The following SNTG2 variants were observed in gnomAD, a reference collection of about 807,000 sequenced individuals.
SNTG2 encodes the protein gamma-2-syntrophin.
In SNTG2, 74 loss-of-function variants were observed where a neutral mutation model predicts 70.9. The ratio of observed to expected loss-of-function variants is 1.04; its 90% CI spans 0.86 to 1.27. The LOEUF is 1.27. Among genes scored for constraint, SNTG2 ranks in the 50% most tolerant of loss-of-function variants. The pLI, the probability that SNTG2 is intolerant of heterozygous loss-of-function variation, is 0.00. For synonymous variants in SNTG2, 278 were observed against 273.8 expected (o/e 1.02, Z -0.15); for missense variants, 717 against 690.7 (o/e 1.04, Z -0.43).
At chr2:1,115,343 A>G (rs1349046025) in intron 4 of SNTG2, among the ~76,000 whole-genome samples, 3 of 151,752 alleles carry the variant, frequency 2.0e-5, no homozygotes, top group Non-Finnish European at 4.4e-5. Context: ...GATCATGTGT[A>G]GTAAGTGAGG....
chr2:1,278,102 C>T (rs951624853), intron 14 of SNTG2, among the ~76,000 whole-genome samples: 25 of 152,354 alleles, frequency 1.6e-4, no homozygotes, highest in Admixed American at 3.9e-4. Flanking sequence ...ACATCTCTTT[C>T]GGTTCCAAGC....
In SNTG2 at chr2:1,173,286, G is replaced by T; in HGVS notation, c.591+103G>T. Reference sequence around the variant, plus strand: ...AAAAGATGCTGTACTGCCCAGTGAAGATAATTGTGTTAGTTTCAGAGGAAA... The same window carrying T: ...AAAAGATGCTGTACTGCCCAGTGAATATAATTGTGTTAGTTTCAGAGGAAA... On this transcript the variant is annotated intron_variant, in intron 8 of 16. Coordinates refer to ENST00000308624, the MANE Select transcript of SNTG2 (RefSeq NM_018968.4). 2.8e-6 allele frequency: 3 copies of T among 1,068,494 alleles called. No homozygotes were observed. In the South Asian group the frequency reaches 4.5e-5, roughly 16 times the overall value. 66.2% of individuals were successfully genotyped at this position (1,068,494 alleles called of 1,614,324 possible). A position where few individuals can be genotyped will look rare whatever the true frequency, so the allele number is the denominator to read the frequency against.
chr2:1,034,081 C>T (rs1292898045), intron 1 of SNTG2, among the ~76,000 whole-genome samples: 1 of 151,682 alleles, frequency 6.6e-6, no homozygotes, highest in Non-Finnish European at 1.5e-5. Flanking sequence ...TTTTGTCACC[C>T]AGGTATTAAA....
chr2:1,144,608 C>T (rs1422578978), intron 6 of SNTG2, among the ~76,000 whole-genome samples: 1 of 152,144 alleles, frequency 6.6e-6, no homozygotes, highest in African/African-American at 2.4e-5. Flanking sequence ...GGGGAGGCCT[C>T]AGAATCATGG....
intron 14 of SNTG2, among the ~76,000 whole-genome samples, chr2:1,305,560 G>A (rs1292658644): frequency 6.6e-6 from 1 of 152,212 alleles, no homozygotes; most frequent in Non-Finnish European, 1.5e-5. Context: ...TCACTAGGTT[G>A]AAAGAATTGT....
chr2:1,149,050 C>T (rs1341585138), intron 6 of SNTG2, among the ~76,000 whole-genome samples: 1 of 152,186 alleles, frequency 6.6e-6, no homozygotes, highest in Non-Finnish European at 1.5e-5. Flanking sequence ...AAATTATTCC[C>T]TGGAAGGTAT....
intron 1 of SNTG2, among the ~76,000 whole-genome samples, chr2:1,050,809 C>G (rs1006976632): frequency 3.9e-5 from 6 of 152,106 alleles, no homozygotes; most frequent in Non-Finnish European, 8.8e-5. Context: ...TAAACAAGAT[C>G]TAGTCTGTAA....
intron 6 of SNTG2, among the ~76,000 whole-genome samples, chr2:1,138,421 G>A (rs771502045): frequency 2.0e-4 from 30 of 152,210 alleles, no homozygotes; most frequent in Admixed American, 1.3e-4. Context: ...CATTCTGGCT[G>A]TTGGGAAGAG....
In SNTG2 at chr2:1,328,435, C is replaced by T. The variant is rs555885148; in HGVS notation, c.1488+12060C>T. On this transcript the variant is annotated intron_variant, in intron 16 of 16. Transcript: ENST00000308624. ...AAGCTGTCCACCCACAACTCTGGGG[C>T]TCCGTGAGGAAAAAGAGTTCCTCTC... 1.6e-4 allele frequency among the ~76,000 whole-genome samples: 24 copies of T among 152,290 alleles called. 1 individual carries two copies. Among genetic ancestry groups the T allele is most frequent in the African/African-American group, 5.8e-4 (24 of 41,552 alleles).
chr2:1,056,154 G>A (rs977230572), intron 1 of SNTG2, among the ~76,000 whole-genome samples: 1 of 151,530 alleles, frequency 6.6e-6, no homozygotes, highest in Non-Finnish European at 1.5e-5. Context: ...GACTCCCTGC[G>A]GATGGGCTCC....
chr2:1,223,516 C>A (rs974695273), intron 9 of SNTG2, among the ~76,000 whole-genome samples: 1 of 152,230 alleles, frequency 6.6e-6, no homozygotes. Context: ...AGCCCCACAA[C>A]CACAGCTGTG....
chr2:1,253,825 C>T (rs1253736973), intron 12 of SNTG2, among the ~76,000 whole-genome samples: 1 of 152,052 alleles, frequency 6.6e-6, no homozygotes, highest in East Asian at 1.9e-4. Context: ...GGGAAGTAGG[C>T]ACATCTTACA....
At chr2:1,040,198 C>T (rs563809618) in intron 1 of SNTG2, among the ~76,000 whole-genome samples, 12 of 152,176 alleles carry the variant, frequency 7.9e-5, no homozygotes, top group African/African-American at 2.9e-4. Flanking sequence ...CATAGAATCA[C>T]CTGCAGGCAG....
chr2:1,359,131 A>C (rs4927649), intron 16 of SNTG2, among the ~76,000 whole-genome samples: 109,668 of 151,966 alleles, frequency 0.72, 39,867 homozygotes, highest in East Asian at 0.94. Flanking sequence ...AATCTAAACA[A>C]AAAATATATT....
chr2:1,020,041 T>G (rs1660073920), intron 1 of SNTG2, among the ~76,000 whole-genome samples: 2 of 152,086 alleles, frequency 1.3e-5, no homozygotes, highest in Non-Finnish European at 2.9e-5. Flanking sequence ...AGACTCCATC[T>G]CAAAGAAAAA....
At chr2:1,340,977 G>A (rs559286235) in intron 16 of SNTG2, 2 of 152,266 alleles carry the variant, frequency 1.3e-5, no homozygotes, top group South Asian at 2.1e-4. Context: ...CAGAGTTTAC[G>A]TGCAGTATCT....
At chr2:1,322,935 C>G (rs553673956) in intron 16 of SNTG2, among the ~76,000 whole-genome samples, 178 of 152,148 alleles carry the variant, frequency 1.2e-3, no homozygotes, top group Non-Finnish European at 1.9e-3. Context: ...TGCCGCCGCT[C>G]AAGGCCATTT....
intron 16 of SNTG2, among the ~76,000 whole-genome samples, chr2:1,330,100 C>T (rs993563350): frequency 5.3e-5 from 8 of 152,126 alleles, no homozygotes; most frequent in African/African-American, 1.7e-4. Flanking sequence ...ACTGCTGTTC[C>T]GCCATCAGGC....
intron 1 of SNTG2, among the ~76,000 whole-genome samples, chr2:1,046,992 G>C (rs1470398902): frequency 6.6e-6 from 1 of 152,110 alleles, no homozygotes; most frequent in Non-Finnish European, 1.5e-5. Context: ...TTTCAGGAAT[G>C]TCAGTCAGTC....
Sources: allele counts gnomAD v4.1 joint callset (sites outside exome capture counted in the v4.1 genomes callset), GRCh38; gene constraint gnomAD v4.1.1; transcripts MANE v1.5; gene names NCBI Gene and HGNC (gene_info 2026-07-23, HGNC 2026-07-21).